CDKL4: variants seen among roughly 807,000 people sequenced by gnomAD.
CDKL4 encodes cyclin-dependent kinase-like 4.
A neutral mutation model predicts 42.0 loss-of-function variants in CDKL4; 44 were observed. The observed-to-expected ratio is 1.05, with a 90% CI of 0.82 to 1.35. CDKL4 has a LOEUF of 1.35. Ranked by LOEUF, CDKL4 falls within the 40% of genes most tolerant of loss-of-function variation. The pLI, the probability that CDKL4 is intolerant of heterozygous loss-of-function variation, is 0.00. For synonymous variants in CDKL4, 120 were observed against 121.6 expected (o/e 0.99, Z 0.09); for missense variants, 393 against 369.9 (o/e 1.06, Z -0.51).
intron 4 of CDKL4, among the ~76,000 whole-genome samples, chr2:39,206,223 G>T (rs951791164): frequency 6.6e-6 from 1 of 152,036 alleles, no homozygotes; most frequent in Non-Finnish European, 1.5e-5. Context: ...TAGGATTACA[G>T]GCGCTCACCA....
At chr2:39,185,135 T>C (rs1457069248) in intron 7 of CDKL4, among the ~76,000 whole-genome samples, 3 of 139,344 alleles carry the variant, frequency 2.2e-5, no homozygotes, top group African/African-American at 5.3e-5. Context: ...CACATATATA[T>C]ACATATATAT....
chr2:39,220,719 G>C (rs944869646), intron 3 of CDKL4, among the ~76,000 whole-genome samples: 1 of 151,832 alleles, frequency 6.6e-6, no homozygotes, highest in Non-Finnish European at 1.5e-5. Context: ...CGAGTAGCTG[G>C]GATTACAGGC....
intron 5 of CDKL4, among the ~76,000 whole-genome samples, chr2:39,200,399 G>T (rs1278536450): frequency 6.6e-6 from 1 of 151,742 alleles, no homozygotes; most frequent in Non-Finnish European, 1.5e-5. Context: ...ATATTGTGAA[G>T]ACGACCATAC....
intron 4 of CDKL4, among the ~76,000 whole-genome samples, chr2:39,210,901 T>C (rs555985699): frequency 7.2e-5 from 11 of 152,322 alleles, no homozygotes; most frequent in Non-Finnish European, 1.2e-4. Context: ...TTTAACCTAA[T>C]AAAAACTTCA....
intron 4 of CDKL4, among the ~76,000 whole-genome samples, chr2:39,211,296 G>T (rs1426245264): frequency 6.6e-6 from 1 of 152,110 alleles, no homozygotes; most frequent in East Asian, 1.9e-4. Context: ...GCTGAAGTGG[G>T]AGAATCACTT....
intron 8 of CDKL4, among the ~76,000 whole-genome samples, chr2:39,182,655 C>T (rs1490354752): frequency 1.3e-5 from 2 of 152,146 alleles, no homozygotes; most frequent in African/African-American, 4.8e-5. Flanking sequence ...TTCTTAAATC[C>T]AAACTTCAAA....
chr2:39,202,337 T>C (rs1263436967), intron 5 of CDKL4, among the ~76,000 whole-genome samples: 1 of 152,114 alleles, frequency 6.6e-6, no homozygotes, highest in African/African-American at 2.4e-5. Context: ...CCTATTGAAA[T>C]AAAACAACAA....
chr2:39,199,833 T>C (rs1318491609), intron 5 of CDKL4, among the ~76,000 whole-genome samples: 2 of 152,104 alleles, frequency 1.3e-5, no homozygotes, highest in African/African-American at 4.8e-5. Context: ...AGAAGGGACA[T>C]ATCTTAAGGT....
At chr2:39,182,117 G>C (rs548326911) in intron 8 of CDKL4, among the ~76,000 whole-genome samples, 2 of 152,240 alleles carry the variant, frequency 1.3e-5, no homozygotes, top group African/African-American at 4.8e-5. Flanking sequence ...AAGTAGCTGG[G>C]ACTAAAGGCA....
At chr2:39,220,915 G>T (rs1439662622) in intron 3 of CDKL4, among the ~76,000 whole-genome samples, 1 of 123,760 alleles carries the variant, frequency 8.1e-6, no homozygotes, top group African/African-American at 2.9e-5. Flanking sequence ...TAATTTAGTC[G>T]TTGGGTCCCT....
intron 5 of CDKL4, among the ~76,000 whole-genome samples, chr2:39,192,473 G>C (rs1044103278): frequency 6.6e-6 from 1 of 151,874 alleles, no homozygotes; most frequent in African/African-American, 2.4e-5. Flanking sequence ...CAATCCTCCT[G>C]CCTCAGCCTC....
chr2:39,181,861 C>T (rs1675458571), intron 8 of CDKL4, among the ~76,000 whole-genome samples: 1 of 152,200 alleles, frequency 6.6e-6, no homozygotes, highest in Non-Finnish European at 1.5e-5. Flanking sequence ...CTGCCAATAC[C>T]TGAAAAAGCA....
intron 3 of CDKL4, among the ~76,000 whole-genome samples, chr2:39,215,565 C>T (rs925786093): frequency 6.6e-6 from 1 of 152,150 alleles, no homozygotes; most frequent in Non-Finnish European, 1.5e-5. Flanking sequence ...CCAAACATAT[C>T]CATCACTCAG....
At chr2:39,183,951 A>G (rs1675583964) in intron 8 of CDKL4, among the ~76,000 whole-genome samples, 1 of 152,202 alleles carries the variant, frequency 6.6e-6, no homozygotes, top group African/African-American at 2.4e-5. Context: ...CACCGTCTAG[A>G]TCAGATGAGT....
chr2:39,228,954 G>A lies in CDKL4; in HGVS notation c.168+411C>T, dbSNP rs1678925895. On this transcript the variant is annotated intron_variant, in intron 2 of 9. Coordinates refer to ENST00000451199, the Ensembl canonical transcript of CDKL4. ...AAGAACCTGGGGTGCAGTGCAGGCA[G>A]GAACCAACGCATGTCGATGCCTACC... Among the ~76,000 whole-genome samples, 2 of 152,178 alleles carry A rather than the reference G, an allele frequency of 1.3e-5. 1 individual carries two copies. Among genetic ancestry groups the A allele is most frequent in the Non-Finnish European group, 2.9e-5 (2 of 68,032 alleles).
intron 5 of CDKL4, among the ~76,000 whole-genome samples, chr2:39,197,603 C>G (rs1202865850): frequency 6.6e-6 from 1 of 152,118 alleles, no homozygotes; most frequent in Non-Finnish European, 1.5e-5. Context: ...GCATCAGGTA[C>G]TATAAAGGAA....
the CDKL4 span, among the ~76,000 whole-genome samples, chr2:39,168,654 G>C: frequency 6.7e-6 from 1 of 150,236 alleles, no homozygotes; most frequent in African/African-American, 2.4e-5. Context: ...AGAATCACTT[G>C]AACCCAGGAG....
At chr2:39,217,247 A>G (rs894027452) in intron 3 of CDKL4, among the ~76,000 whole-genome samples, 5 of 152,210 alleles carry the variant, frequency 3.3e-5, no homozygotes, top group African/African-American at 1.2e-4. Flanking sequence ...GGTTGGTACA[A>G]AAGTAACCGA....
At chr2:39,188,532 A>G (rs1407316109) in intron 6 of CDKL4, among the ~76,000 whole-genome samples, 2 of 120,970 alleles carry the variant, frequency 1.7e-5, no homozygotes, top group African/African-American at 3.0e-5. Flanking sequence ...ACTGCACTCC[A>G]GCCTGGCAAC....
Sources: allele counts gnomAD v4.1 joint callset (sites outside exome capture counted in the v4.1 genomes callset), GRCh38; gene constraint gnomAD v4.1.1; transcripts MANE v1.5; gene names NCBI Gene and HGNC (gene_info 2026-07-23, HGNC 2026-07-21).